AFDN: variants seen among roughly 807,000 people sequenced by gnomAD.
AFDN encodes the protein afadin.
A neutral mutation model predicts 216.6 loss-of-function variants in AFDN; 68 were observed. The ratio of observed to expected loss-of-function variants is 0.31; its 90% confidence interval spans 0.26 to 0.38. The LOEUF (loss-of-function observed/expected upper bound fraction) is 0.38, where lower values mean the gene tolerates loss of function less well. Among genes scored for constraint, AFDN ranks in the 10% least tolerant of loss-of-function variants. AFDN has a pLI of 1.00. For missense variants in AFDN, 2,136 were observed against 2,342.0 expected, an observed-to-expected ratio of 0.91 and a Z score of 1.82; for synonymous variants, 868 against 853.7, an observed-to-expected ratio of 1.02 and a Z score of -0.29.
intron 30 of AFDN, among the ~76,000 whole-genome samples, chr6:167,952,910 A>G (rs1796150686): frequency 6.6e-6 from 1 of 152,246 alleles, no homozygotes; most frequent in South Asian, 2.1e-4. Context: ...TCTCCACAGT[A>G]TGAAAATGAT....
chr6:167,911,113 T>G lies in AFDN; in HGVS notation c.1782T>G (p.Ala594=). 1.2e-6 allele frequency: 2 copies of G among 1,613,664 alleles called. No homozygotes were observed. The highest frequency in any genetic ancestry group is 1.7e-6 in the Non-Finnish European group (2 of 1,179,852). ...YRRQESRTQD[A]SGPELILPAS... is the part of the protein sequence containing the mutation. ...TTTCTTCTTTTAGAACACAGGATGC[T>G]TCTGGGCCTGAGCTGATACTACCTG... Residue 594 remains alanine (A), a synonymous_variant, in exon 14 of 34, where the codon GCT becomes GCG. Coordinates refer to ENST00000683244, the MANE Select transcript of AFDN (RefSeq NM_001386888.1).
intron 1 of AFDN, among the ~76,000 whole-genome samples, chr6:167,845,599 C>T (rs536399186): frequency 1.1e-4 from 16 of 152,172 alleles, no homozygotes; most frequent in Non-Finnish European, 1.9e-4. Context: ...TGCTTTCCAA[C>T]TCCTGACCTC....
chr6:167,865,269 C>G (rs183787347), intron 2 of AFDN, among the ~76,000 whole-genome samples: 4 of 152,046 alleles, frequency 2.6e-5, no homozygotes, highest in Non-Finnish European at 4.4e-5. Context: ...CTTGTATTAA[C>G]ATTAGAAATT....
At chr6:167,929,751 G>C (rs559287879) in intron 23 of AFDN, among the ~76,000 whole-genome samples, 235 of 152,354 alleles carry the variant, frequency 1.5e-3, no homozygotes, top group African/African-American at 5.3e-3. Context: ...ACATAGACCT[G>C]TGTGTCCCTT....
chr6:167,918,983 A>G, intron 21 of AFDN, 50 bp downstream of exon 21: 1 of 1,498,444 alleles, frequency 6.7e-7, no homozygotes, highest in East Asian at 2.4e-5. Context: ...GGTTGAAGCG[A>G]GCATTTTATT....
intron 15 of AFDN, among the ~76,000 whole-genome samples, chr6:167,913,126 TGTGTTTATGG>T (rs1790614359): frequency 6.6e-6 from 1 of 152,214 alleles, no homozygotes; most frequent in Admixed American, 6.5e-5. Flanking sequence ...TGTGTTCATG[TGTGTTTATGG>T]TAACATCATA....
intron 23 of AFDN, among the ~76,000 whole-genome samples, chr6:167,930,745 G>T (rs1226800926): frequency 6.6e-6 from 1 of 152,314 alleles, no homozygotes; most frequent in Admixed American, 6.5e-5. Flanking sequence ...TTGTGGCATA[G>T]CGTGGCTGTG....
intron 3 of AFDN, among the ~76,000 whole-genome samples, 171 bp downstream of exon 3, chr6:167,870,669 T>C (rs374856793): frequency 4.9e-4 from 74 of 152,346 alleles, no homozygotes; most frequent in Middle Eastern, 6.8e-3. Flanking sequence ...CTCTCTACTT[T>C]ATCCTTTATC....
chr6:167,968,580 G>C (rs1039518919), intron 32 of AFDN: 3 of 155,738 alleles, frequency 1.9e-5, no homozygotes, highest in South Asian at 1.9e-4. Context: ...TACACTGTCA[G>C]ATTTTTCCAG....
intron 1 of AFDN, among the ~76,000 whole-genome samples, chr6:167,841,364 A>G (rs1781052980): frequency 6.6e-6 from 1 of 152,188 alleles, no homozygotes; most frequent in Non-Finnish European, 1.5e-5. Flanking sequence ...GGAGACTACA[A>G]GGAAAAAGTT....
chr6:167,948,490 A>G lies in AFDN; in HGVS notation c.3831+12A>G. ...GTATTGCAATTCAGGTTAGAAATCA[A>G]AGATTCCACACACTTTTCTCACCTC... is the stretch of plus-strand genomic sequence containing the variant. On this transcript the variant is annotated intron_variant, in intron 29 of 33. Coordinates refer to ENST00000683244, the MANE Select transcript of AFDN (RefSeq NM_001386888.1). 1 of 1,610,580 alleles carries G rather than the reference A, an allele frequency of 6.2e-7. No homozygotes were observed. The highest frequency in any genetic ancestry group is 2.2e-5 in the East Asian group (1 of 44,842).
chr6:167,851,915 G>A (rs540418425), intron 1 of AFDN, among the ~76,000 whole-genome samples: 1 of 152,278 alleles, frequency 6.6e-6, no homozygotes, highest in Non-Finnish European at 1.5e-5. Flanking sequence ...GCACTTAATA[G>A]TTGGTAATTA....
chr6:167,858,788 A>G (rs1199470509), intron 1 of AFDN, among the ~76,000 whole-genome samples: 1 of 152,204 alleles, frequency 6.6e-6, no homozygotes, highest in African/African-American at 2.4e-5. Flanking sequence ...CAACAGAATA[A>G]TAGTGCCCTG....
Position 167,952,159 on chromosome 6 carries a change from A to G in AFDN, c.4805A>G (p.Gln1602Arg), listed in dbSNP as rs771508660. The change falls in exon 30 of 34, where the codon CAG becomes CGG. Residue 1602 changes from glutamine to arginine, a missense_variant. Physicochemically the swap from Gln to Arg is conservative, Grantham distance 43. Around this residue, in one of 8 missense-constraint regions of AFDN, gnomAD observed 981 missense variants for 966.0 expected, o/e 1.02. Transcript: ENST00000683244. ...GATGTGGACACCATGCTGATCATGCAGCGCCTGGAGGCTGAACGAAGAGCG... is the reference window on the plus strand; with the variant it reads ...GATGTGGACACCATGCTGATCATGCGGCGCCTGGAGGCTGAACGAAGAGCG... The part of the protein sequence containing the change: ...DDDVDTMLIM[Q>R]RLEAERRARL... The G allele has an allele frequency of 3.7e-6, 6 of 1,614,182 alleles. No individual in the cohort carries two copies. The highest frequency in any genetic ancestry group is 2.2e-5 in the East Asian group (1 of 44,862).
chr6:167,864,433 A>G (rs1783945895), intron 1 of AFDN, 118 bp from the exon 2 acceptor site: 2 of 950,938 alleles, frequency 2.1e-6, no homozygotes, highest in Non-Finnish European at 3.4e-6. Flanking sequence ...TTAGTCTCAG[A>G]TGTTTATGAT....
At chr6:167,920,741 A>C (rs1791682678) in intron 21 of AFDN, among the ~76,000 whole-genome samples, 1 of 152,116 alleles carries the variant, frequency 6.6e-6, no homozygotes, top group African/African-American at 2.4e-5. Context: ...TTCATATTGA[A>C]CTGTATATTA....
chr6:167,943,570 A>G (rs1582991346), intron 25 of AFDN, 95 bp downstream of exon 25: 1 of 962,646 alleles, frequency 1.0e-6, no homozygotes, highest in East Asian at 2.4e-5. Context: ...CTATGCTAAA[A>G]CGTGCTCATA....
intron 6 of AFDN, among the ~76,000 whole-genome samples, chr6:167,886,773 G>A (rs1023882477): frequency 1.1e-4 from 17 of 152,034 alleles, no homozygotes; most frequent in African/African-American, 3.4e-4. Context: ...CTGAACAGAC[G>A]CCTGATGCTT....
At chr6:167,965,703 G>C (rs1457722532) in intron 31 of AFDN, 54 bp from the exon 32 acceptor site, 6 of 1,459,966 alleles carry the variant, frequency 4.1e-6, no homozygotes, top group Non-Finnish European at 5.4e-6. Context: ...CCAGTGGGTC[G>C]GCTGTTCCCT....
Sources: gnomAD v4.1 joint callset for allele counts (sites outside exome capture counted in the v4.1 genomes callset) on GRCh38, gnomAD v4.1.1 for gene constraint, gnomAD v4.1.1 regional missense constraint, MANE v1.5 for transcripts, NCBI Gene and HGNC (gene_info 2026-07-23, HGNC 2026-07-21) for gene names.